The following RIF1 variants were observed in gnomAD, a reference collection of about 807,000 sequenced individuals.
The protein encoded by RIF1 is telomere-associated protein RIF1.
A neutral mutation model predicts 247.1 loss-of-function variants in RIF1; 45 were observed. That is an observed-to-expected ratio of 0.18 (90% CI 0.14 to 0.23). The LOEUF is 0.23. RIF1 is among the 10% of genes least tolerant of loss of function. The pLI is 1.00. For missense variants in RIF1, 2,967 were observed against 2,862.5 expected (o/e 1.04, Z -0.83); for synonymous variants, 1,087 against 978.8 (o/e 1.11, Z -2.06).
At position 151,424,264 on chromosome 2, in the gene RIF1, C is replaced by T. The variant is rs567691419; in HGVS notation, c.786+1222C>T. Among the ~76,000 whole-genome samples, 325 of 152,110 alleles carry T rather than the reference C, an allele frequency of 2.1e-3. 4 individuals are homozygous for T. In the Middle Eastern group the frequency reaches 0.024, roughly 11 times the overall value. ...GACTACAGGCATGTGCCAGTATGTC[C>T]GGCTAATTTTTGTGTTTTTAGTAGA... On this transcript the variant is annotated intron_variant, in intron 8 of 35. Coordinates refer to ENST00000444746, the MANE Select transcript of RIF1 (RefSeq NM_018151.5).
intron 30 of RIF1, among the ~76,000 whole-genome samples, chr2:151,466,915 AAAC>A (rs1330982487): frequency 6.6e-6 from 1 of 152,232 alleles, no homozygotes; most frequent in Non-Finnish European, 1.5e-5. Flanking sequence ...TGCCTTCAAC[AAAC>A]AACACTTTGA....
intron 20 of RIF1, among the ~76,000 whole-genome samples, chr2:151,447,586 C>T (rs189733019): frequency 3.3e-5 from 5 of 152,288 alleles, no homozygotes; most frequent in Admixed American, 6.5e-5. Flanking sequence ...CACTCTGCTG[C>T]GCAGGCTTGA....
chr2:151,503,489 C>T (rs1005395884), intron 12 of RIF1: 1 of 1,297,166 alleles, frequency 7.7e-7, no homozygotes, highest in African/African-American at 1.5e-5. Flanking sequence ...GACCGTAAAT[C>T]CTTTAGATAG....
chr2:151,436,951 G>A lies in RIF1; in HGVS notation c.1320G>A (p.Leu440=), dbSNP rs754723024. The stretch of plus-strand genomic sequence containing the variant: ...TTGAAATGTTGCTTCATTTCTTGTT[G>A]GGTCCAGAAGCCTTGAGTTTTGCTA... ...LGLEMLLHFL[L]GPEALSFAKQ... is the part of the protein sequence containing the mutation. The change falls in exon 12 of 36, where the codon TTG becomes TTA. Residue 440 remains leucine (L), a synonymous_variant. Coordinates refer to ENST00000444746, the MANE Select transcript of RIF1 (RefSeq NM_018151.5). The A allele has an allele frequency of 6.2e-6, 10 of 1,613,898 alleles. No homozygotes were observed. The highest frequency in any genetic ancestry group is 7.6e-6 in the Non-Finnish European group (9 of 1,179,954).
intron 23 of RIF1, among the ~76,000 whole-genome samples, chr2:151,456,954 G>A (rs1030792409): frequency 2.0e-5 from 3 of 151,968 alleles, no homozygotes; most frequent in Non-Finnish European, 4.4e-5. Flanking sequence ...GGCTTGTCTC[G>A]AACTCCTGAC....
rs761446948 is a variant in RIF1 at position 151,474,838 on chromosome 2, T to G, written c.7205-19T>G. ...TTGTCTGGTATAGATTTAATTGTGG[T>G]TTTTTTTTTCTCTTTTAGATATAAT... On this transcript the variant is annotated intron_variant, in intron 35 of 35. Transcript: ENST00000444746. 32 of 1,281,254 alleles carry G rather than the reference T, an allele frequency of 2.5e-5. No individual in the cohort carries two copies. The highest frequency in any genetic ancestry group is 2.0e-4 in the Middle Eastern group (1 of 4,886). The allele number at this position is 1,281,254 out of a possible 1,614,324, so 79.4% of individuals were successfully genotyped here. A position where few individuals can be genotyped will look rare whatever the true frequency, so the allele number is the denominator to read the frequency against.
intron 13 of RIF1, chr2:151,506,950 C>G: frequency 6.2e-7 from 1 of 1,611,528 alleles, no homozygotes; most frequent in Non-Finnish European, 8.5e-7. Flanking sequence ...CGCAGTATTT[C>G]TGGCGTGTCT....
rs2290368 is a variant in RIF1, at chr2:151,409,959, T to C, written c.-85T>C. The stretch of plus-strand genomic sequence containing the variant: ...GCACGCGTGAGTAAACAGCCGGAGC[T>C]GGGAAAGTCGAGCTCTGGCAGCGTC... On this transcript the variant is annotated 5_prime_UTR_variant, in exon 1 of 36. Transcript: ENST00000444746. 0.43 allele frequency: 299,635 copies of C among 701,340 alleles called. 64,417 individuals are homozygous for C. The highest frequency in any genetic ancestry group is 0.47 in the East Asian group (17,515 of 37,220). The allele number at this position is 701,340 out of a possible 1,614,324, so 43.4% of individuals were successfully genotyped here.
rs894041342 is a variant in RIF1 at position 151,455,234 on chromosome 2, A to C, written c.2609+75A>C. The C allele has an allele frequency of 2.6e-6, 3 of 1,142,074 alleles. No individual in the cohort carries two copies. In the African/African-American group the frequency reaches 4.7e-5, roughly 18 times the overall value. 70.7% of individuals were successfully genotyped at this position (1,142,074 alleles called of 1,614,324 possible). ...TATAGGTAGCAACTTTTATTTTTTA[A>C]TCAGCTGTGTTGTAGATGGTAGTCT... On this transcript the variant is annotated intron_variant, in intron 22 of 35. Coordinates refer to ENST00000444746, the MANE Select transcript of RIF1 (RefSeq NM_018151.5).
intron 35 of RIF1, 144 bp downstream of exon 35, chr2:151,474,216 G>A (rs889977592): frequency 2.8e-5 from 17 of 597,862 alleles, no homozygotes; most frequent in African/African-American, 1.3e-4. Context: ...AAAACTAACC[G>A]ATTGGACATC....
At position 151,435,515 on chromosome 2, in the gene RIF1, C is replaced by G. The variant is rs201052388; in HGVS notation, c.1130C>G (p.Pro377Arg). ...STISIDSNASPQGNSCHVATS... is the reference protein window; with the variant it reads ...STISIDSNASRQGNSCHVATS... ...ATAAGCATTGATTCTAATGCCTCACCTCAGGGCAATTCGTGTCATGTAGCT... is the reference window on the plus strand; with the variant it reads ...ATAAGCATTGATTCTAATGCCTCACGTCAGGGCAATTCGTGTCATGTAGCT... The change falls in exon 11 of 36, where the codon CCT becomes CGT. Residue 377 changes from proline (P) to arginine (R), a missense_variant. Pro to Arg is a moderately radical substitution (Grantham distance 103, BLOSUM62 -2). Around this residue, in one of 7 missense-constraint regions of RIF1, gnomAD observed 369 missense variants for 322.0 expected, o/e 1.15. Coordinates refer to ENST00000444746, the MANE Select transcript of RIF1 (RefSeq NM_018151.5). The G allele has an allele frequency of 1.8e-5, 29 of 1,613,042 alleles. No homozygotes were observed. The highest frequency in any genetic ancestry group is 2.4e-5 in the Non-Finnish European group (28 of 1,179,248).
At position 151,456,062 on chromosome 2, in the gene RIF1, C is replaced by T. The variant is rs182701404; in HGVS notation, c.2610-516C>T. On this transcript the variant is annotated intron_variant, in intron 22 of 35. Transcript: ENST00000444746. ...ATTTTGCATCACCCTTTATTTGAATCGAAGCAAGCAGTGCTTTAAAACCTG... is the reference window on the plus strand; with the variant it reads ...ATTTTGCATCACCCTTTATTTGAATTGAAGCAAGCAGTGCTTTAAAACCTG... Among the ~76,000 whole-genome samples the T allele has an allele frequency of 2.0e-5, 3 of 152,026 alleles. No homozygotes were observed. The East Asian group carries it at 5.8e-4, about 29-fold the overall frequency.
intron 12 of RIF1, among the ~76,000 whole-genome samples, chr2:151,504,059 G>T (rs1175614832): frequency 6.6e-6 from 1 of 152,032 alleles, no homozygotes; most frequent in Non-Finnish European, 1.5e-5. Context: ...TTTAGTAGTA[G>T]TATCTAAGGA....
At position 151,463,860 on chromosome 2, in the gene RIF1, A is replaced by G. The variant is rs1696544916; in HGVS notation, c.4340A>G (p.Glu1447Gly). Residue 1447 changes from glutamate to glycine, a missense_variant, in exon 30 of 36, where the codon GAA becomes GGA. Around this residue, in one of 7 missense-constraint regions of RIF1, gnomAD observed 2,028 missense variants for 1,825.6 expected, o/e 1.11. Coordinates refer to ENST00000444746, the MANE Select transcript of RIF1 (RefSeq NM_018151.5). ...CAAAAAAAGGAACGACGTAAGGAAG[A>G]AGAAAAACCTCTTCAGAAGAGTCCA... ...SHQKKERRKE[E>G]EKPLQKSPLH... The G allele has an allele frequency of 1.9e-6, 3 of 1,612,388 alleles. No homozygotes were observed. Among genetic ancestry groups the G allele is most frequent in the Admixed American group, 3.4e-5 (2 of 59,638 alleles).
At chr2:151,444,987 G>C (rs1195520440) in intron 18 of RIF1, among the ~76,000 whole-genome samples, 2 of 152,156 alleles carry the variant, frequency 1.3e-5, no homozygotes, top group African/African-American at 4.8e-5. Flanking sequence ...AGCTTCTGGT[G>C]GTTGCTGGCA....
chr2:151,427,201 C>G (rs1045747246), intron 8 of RIF1, among the ~76,000 whole-genome samples: 2 of 150,840 alleles, frequency 1.3e-5, no homozygotes. Flanking sequence ...CCATTTTGTA[C>G]TTTATTTTCC....
intron 10 of RIF1, chr2:151,499,265 A>AAAT: frequency 9.0e-7 from 1 of 1,117,130 alleles, no homozygotes; most frequent in Non-Finnish European, 1.3e-6. Context: ...ACATTTTTTT[A>AAAT]AATAATTAAA....
chr2:151,452,361 T>C (rs2444266), intron 21 of RIF1, among the ~76,000 whole-genome samples: 104,463 of 152,096 alleles, frequency 0.69, 36,323 homozygotes, highest in Middle Eastern at 0.78. Context: ...TTATATGTTC[T>C]TACCATATAG....
downstream of RIF1, among the ~76,000 whole-genome samples, chr2:151,508,891 A>ATTGT (rs1003709157): frequency 1.3e-5 from 2 of 152,152 alleles, no homozygotes; most frequent in African/African-American, 4.8e-5. Flanking sequence ...CAAACTGATG[A>ATTGT]TTGTTTTTAT....
Sources: gnomAD v4.1 joint callset for allele counts (sites outside exome capture counted in the v4.1 genomes callset) on GRCh38, gnomAD v4.1.1 for gene constraint, gnomAD v4.1.1 regional missense constraint, MANE v1.5 for transcripts, NCBI Gene and HGNC (gene_info 2026-07-23, HGNC 2026-07-21) for gene names.